MPG: variants seen among roughly 807,000 people sequenced by gnomAD.
MPG encodes the protein N-methylpurine DNA glycosylase.
Under a neutral mutation model 31.7 loss-of-function variants are expected in MPG, and 33 were observed. The ratio of observed to expected loss-of-function variants is 1.04; its 90% CI spans 0.79 to 1.39. The LOEUF (loss-of-function observed/expected upper bound fraction) is 1.39. Among genes scored for constraint, MPG ranks in the 40% most tolerant of loss-of-function variants. The probability of loss-of-function intolerance (pLI) is 0.00; values close to 1 mark genes in which losing one functional copy is unlikely to be tolerated. For missense variants in MPG, 455 were observed against 415.5 expected (o/e 1.10, Z -0.83); for synonymous variants, 202 against 169.2 (o/e 1.19, Z -1.51).
chr16:79,911 C>T, intron 2 of MPG: 1 of 645,184 alleles, frequency 1.5e-6, no homozygotes, highest in Non-Finnish European at 2.6e-6. Context: ...GTGCTGCTTG[C>T]CCAGGGTGGA....
intron 2 of MPG, among the ~76,000 whole-genome samples, chr16:81,458 AG>A (rs1004437518): frequency 2.0e-5 from 3 of 152,176 alleles, no homozygotes; most frequent in Non-Finnish European, 4.4e-5. Flanking sequence ...GCTCCAGGGA[AG>A]ATGGAACAGG....
upstream of MPG, chr16:78,065 C>T (rs12925736): frequency 1.3e-5 from 4 of 316,034 alleles, no homozygotes; most frequent in East Asian, 4.9e-5. Flanking sequence ...GCAGGCACCG[C>T]ATCGGGCCCG....
At chr16:80,615 C>G (rs1160065314) in intron 2 of MPG, among the ~76,000 whole-genome samples, 1 of 152,020 alleles carries the variant, frequency 6.6e-6, no homozygotes, top group Non-Finnish European at 1.5e-5. Context: ...TTGAGACCAG[C>G]CTGACCAACA....
intron 3 of MPG, among the ~76,000 whole-genome samples, chr16:83,803 G>A (rs571601388): frequency 5.9e-5 from 9 of 152,032 alleles, no homozygotes; most frequent in South Asian, 2.1e-4. Context: ...AAAGAAGGCC[G>A]AGGACACAGT....
rs774779521 is a variant in MPG, at chr16:85,721, G to A, written c.826G>A (p.Gly276Ser). The A allele has an allele frequency of 7.8e-6, 12 of 1,531,484 alleles. No homozygotes were observed. The highest frequency in any genetic ancestry group is 1.1e-5 in the Non-Finnish European group (12 of 1,136,720). 94.9% of individuals were successfully genotyped at this position (1,531,484 alleles called of 1,614,324 possible). The change falls in exon 4 of 4, where the codon GGC (glycine) becomes AGC (serine). Residue 276 changes from glycine (G) to serine (S), a missense_variant. Coordinates refer to ENST00000356432, the MANE Select transcript of MPG (RefSeq NM_001015052.3). ...ARKPLRFYVR[G>S]SPWVSVVDRV... ...GAAACCCCTCCGCTTCTATGTCCGGGGCAGCCCCTGGGTCAGTGTGGTCGA... is the reference window on the plus strand; with the variant it reads ...GAAACCCCTCCGCTTCTATGTCCGGAGCAGCCCCTGGGTCAGTGTGGTCGA...
At chr16:77,274 A>G (rs1236423554), upstream of MPG, 1 of 152,366 alleles carries the variant, frequency 6.6e-6, no homozygotes, top group Non-Finnish European at 1.5e-5. Context: ...TCAAGTGGCC[A>G]GAAGCGGGGG....
intron 2 of MPG, among the ~76,000 whole-genome samples, chr16:81,045 C>T (rs1163830978): frequency 1.3e-5 from 2 of 152,290 alleles, no homozygotes; most frequent in East Asian, 3.9e-4. Flanking sequence ...AGGGACAGCC[C>T]TCTGCCCTCT....
At chr16:77,688 C>G (rs1227184864), upstream of MPG, among the ~76,000 whole-genome samples, 1 of 152,202 alleles carries the variant, frequency 6.6e-6, no homozygotes, top group Non-Finnish European at 1.5e-5. Flanking sequence ...GTGACAACCC[C>G]GGCCAGGGGC....
intron 2 of MPG, among the ~76,000 whole-genome samples, chr16:80,388 AACCAGAAGAGAAAT>A (rs1381705750): frequency 6.6e-6 from 1 of 152,222 alleles, no homozygotes; most frequent in African/African-American, 2.4e-5. Context: ...CACCAAGAAG[AACCAGAAGAGAAAT>A]ACCAGTGCCA....
At chr16:85,085 C>G (rs1233015334) in intron 3 of MPG, among the ~76,000 whole-genome samples, 1 of 152,228 alleles carries the variant, frequency 6.6e-6, no homozygotes, top group South Asian at 2.1e-4. Flanking sequence ...GTGTTTTTAA[C>G]AGTCTGGCTT....
rs1898433484 is a variant in MPG at position 85,723 on chromosome 16, C to T, written c.828C>T (p.Gly276=). The T allele has an allele frequency of 1.3e-6, 2 of 1,531,146 alleles. No individual in the cohort carries two copies. Among genetic ancestry groups the T allele is most frequent in the Non-Finnish European group, 8.8e-7 (1 of 1,136,536 alleles). 94.8% of individuals were successfully genotyped at this position (1,531,146 alleles called of 1,614,324 possible). A position where few individuals can be genotyped will look rare whatever the true frequency, so the allele number is the denominator to read the frequency against. ...AACCCCTCCGCTTCTATGTCCGGGG[C>T]AGCCCCTGGGTCAGTGTGGTCGACA... ...ARKPLRFYVR[G]SPWVSVVDRV... The change falls in exon 4 of 4, where the codon GGC becomes GGT. Residue 276 remains glycine (G), a synonymous_variant. Transcript: ENST00000356432.
upstream of MPG, among the ~76,000 whole-genome samples, chr16:77,521 T>G (rs1407637296): frequency 6.6e-6 from 1 of 152,236 alleles, no homozygotes; most frequent in Non-Finnish European, 1.5e-5. Context: ...AGCCCTGGTC[T>G]GGCCTCGGCC....
At chr16:78,223 C>A (rs1309572137), upstream of MPG, 2 of 1,249,122 alleles carry the variant, frequency 1.6e-6, no homozygotes, top group African/African-American at 1.6e-5. Context: ...CCGCTCCGCC[C>A]CGGTCCTAGG....
chr16:81,383 C>A (rs374814899), intron 2 of MPG, among the ~76,000 whole-genome samples: 1 of 152,188 alleles, frequency 6.6e-6, no homozygotes, highest in Non-Finnish European at 1.5e-5. Flanking sequence ...TGGGCCCCCC[C>A]AGTGTGCCCC....
Position 83,306 on chromosome 16 carries a change from C to T in MPG, c.505+50C>T, listed in dbSNP as rs368244878. On this transcript the variant is annotated intron_variant, in intron 3 of 3. Coordinates refer to ENST00000356432, the MANE Select transcript of MPG (RefSeq NM_001015052.3). The stretch of plus-strand genomic sequence containing the variant: ...GTTGGAGGGCCGGCAGAGCCCTGTC[C>T]GCTAGCAGCCAGGGGACCACTAGGA... The T allele has an allele frequency of 1.5e-4, 225 of 1,542,564 alleles. 2 individuals carry two copies. Among genetic ancestry groups the T allele is most frequent in the South Asian group, 9.8e-4 (86 of 87,482 alleles).
chr16:78,399 G>A, intron 1 of MPG, 66 bp downstream of exon 1: 1 of 1,161,996 alleles, frequency 8.6e-7, no homozygotes, highest in Non-Finnish European at 1.1e-6. Flanking sequence ...CAGCGAGCGC[G>A]GCCGCGGGAG....
At chr16:80,672 G>A (rs1215579058) in intron 2 of MPG, among the ~76,000 whole-genome samples, 2 of 152,198 alleles carry the variant, frequency 1.3e-5, no homozygotes, top group Non-Finnish European at 2.9e-5. Flanking sequence ...AGCTGGGTGT[G>A]ATGACGGGCG....
chr16:78,435 G>A, intron 1 of MPG, 102 bp downstream of exon 1: 2 of 1,003,006 alleles, frequency 2.0e-6, no homozygotes, highest in Non-Finnish European at 2.5e-6. Flanking sequence ...CGGGCGTAGC[G>A]CCCACCGCCC....
intron 2 of MPG, 97 bp downstream of exon 2, chr16:79,797 A>T: frequency 1.5e-6 from 2 of 1,368,664 alleles, no homozygotes; most frequent in South Asian, 2.8e-5. Context: ...GCCCTCAGTT[A>T]GTCCTCCTTG....
Sources: gnomAD v4.1 joint callset for allele counts (sites outside exome capture counted in the v4.1 genomes callset) on GRCh38, gnomAD v4.1.1 for gene constraint, MANE v1.5 for transcripts, NCBI Gene and HGNC (gene_info 2026-07-23, HGNC 2026-07-21) for gene names.